Variants in KANK1 observed in about 807,000 individuals in gnomAD.
The protein encoded by KANK1 is KN motif and ankyrin repeat domains 1.
KANK1 carries 109 observed loss-of-function variants against 106.2 expected under a neutral mutation model. That is an observed-to-expected ratio of 1.03 (90% CI 0.88 to 1.20). The LOEUF (loss-of-function observed/expected upper bound fraction) is 1.20, where lower values mean the gene tolerates loss of function less well. Among genes scored for constraint, KANK1 ranks in the 50% most tolerant of loss-of-function variants. The pLI, the probability that KANK1 is intolerant of heterozygous loss-of-function variation, is 0.00. For missense variants in KANK1, 2,399 were observed against 1,710.7 expected (o/e 1.40, Z -7.10); for synonymous variants, 873 against 652.2 (o/e 1.34, Z -5.16).
intron 1 of KANK1, among the ~76,000 whole-genome samples, chr9:662,008 G>A (rs554762440): frequency 2.0e-5 from 3 of 152,224 alleles, no homozygotes; most frequent in African/African-American, 7.2e-5. Flanking sequence ...TAAGTTCTTT[G>A]TAGAATCTGG....
intron 1 of KANK1, among the ~76,000 whole-genome samples, chr9:544,310 A>G (rs1241703582): frequency 6.6e-6 from 1 of 152,164 alleles, no homozygotes; most frequent in African/African-American, 2.4e-5. Context: ...GGCAAGAGCC[A>G]CTGCACCTGG....
intron 1 of KANK1, among the ~76,000 whole-genome samples, chr9:592,200 C>G (rs763540104): frequency 4.6e-5 from 7 of 151,766 alleles, no homozygotes; most frequent in Non-Finnish European, 1.0e-4. Context: ...AATTCTCTTA[C>G]CTGGAGCCTG....
chr9:508,121 C>CT (rs71314711), intron 1 of KANK1, among the ~76,000 whole-genome samples: 461 of 39,142 alleles, frequency 0.012, 38 homozygotes, highest in Non-Finnish European at 0.018. Flanking sequence ...CCTGCTCAGC[C>CT]TTTTTTTTTT....
chr9:629,985 C>T (rs575385923), intron 1 of KANK1, among the ~76,000 whole-genome samples: 5 of 152,332 alleles, frequency 3.3e-5, no homozygotes, highest in African/African-American at 7.2e-5. Context: ...CACTGGCTCA[C>T]GCCTGTAATC....
intron 3 of KANK1, among the ~76,000 whole-genome samples, chr9:486,808 C>T (rs2058300799): frequency 6.6e-6 from 1 of 152,082 alleles, no homozygotes; most frequent in Admixed American, 6.6e-5. Flanking sequence ...CAATTTTTAT[C>T]TGATTTCAAG....
At chr9:607,553 C>G (rs537559335) in intron 1 of KANK1, among the ~76,000 whole-genome samples, 1 of 151,066 alleles carries the variant, frequency 6.6e-6, no homozygotes, top group South Asian at 2.1e-4. Context: ...GAGTACCTCT[C>G]CTGTGGGCTT....
intron 1 of KANK1, among the ~76,000 whole-genome samples, chr9:555,964 G>T (rs888502355): frequency 6.6e-6 from 1 of 152,100 alleles, no homozygotes; most frequent in East Asian, 1.9e-4. Context: ...CACATTTAAA[G>T]TAATCATTAA....
chr9:540,637 C>T (rs142400498), intron 1 of KANK1: 2 of 152,262 alleles, frequency 1.3e-5, no homozygotes, highest in African/African-American at 2.4e-5. Flanking sequence ...CCAGTGAAGC[C>T]GTGACATCCT....
In KANK1 at chr9:633,263, C is replaced by T. The variant is rs544042766; in HGVS notation, c.-83-43627C>T. On this transcript the variant is annotated intron_variant, in intron 1 of 11. Coordinates refer to ENST00000382297, the MANE Select transcript of KANK1 (RefSeq NM_015158.5). ...GAAGGTCAGGAGATCGAGACCATCCCGGCTAACACGGTGAAATCGCATCTC... is the reference window on the plus strand; with the variant it reads ...GAAGGTCAGGAGATCGAGACCATCCTGGCTAACACGGTGAAATCGCATCTC... 7.6e-4 allele frequency among the ~76,000 whole-genome samples: 115 copies of T among 152,076 alleles called. 1 individual carries two copies. Among genetic ancestry groups the T allele is most frequent in the African/African-American group, 2.5e-3 (103 of 41,500 alleles).
At chr9:718,817 C>A (rs1024254811) in intron 3 of KANK1, among the ~76,000 whole-genome samples, 1 of 152,170 alleles carries the variant, frequency 6.6e-6, no homozygotes, top group Non-Finnish European at 1.5e-5. Flanking sequence ...TTTGTCCTTT[C>A]TCCTCTATCA....
At chr9:705,293 C>G (rs940217953) in intron 2 of KANK1, among the ~76,000 whole-genome samples, 1 of 152,076 alleles carries the variant, frequency 6.6e-6, no homozygotes, top group Non-Finnish European at 1.5e-5. Context: ...TGAGACCAGC[C>G]TGGCCAACAT....
chr9:544,086 C>G (rs1192401203), intron 1 of KANK1, among the ~76,000 whole-genome samples: 2 of 151,786 alleles, frequency 1.3e-5, no homozygotes, highest in African/African-American at 4.8e-5. Context: ...AGTGGCATGA[C>G]CATGGCTCAC....
At chr9:536,637 TAA>T (rs1288451285) in intron 1 of KANK1, among the ~76,000 whole-genome samples, 1 of 152,274 alleles carries the variant, frequency 6.6e-6, no homozygotes, top group Admixed American at 6.5e-5. Context: ...ACCACAGAAA[TAA>T]AAGACTTTTT....
chr9:676,503 T>C (rs1816440847), intron 1 of KANK1, among the ~76,000 whole-genome samples: 1 of 152,176 alleles, frequency 6.6e-6, no homozygotes, highest in African/African-American at 2.4e-5. Flanking sequence ...GAAATTGCAG[T>C]TGAATAAATG....
At chr9:568,030 T>C (rs538344982) in intron 1 of KANK1, among the ~76,000 whole-genome samples, 1 of 152,232 alleles carries the variant, frequency 6.6e-6, no homozygotes, top group African/African-American at 2.4e-5. Flanking sequence ...CAGGTAGCTA[T>C]GATTATCTTC....
At chr9:714,241 G>C (rs1204348969) in intron 3 of KANK1, among the ~76,000 whole-genome samples, 1 of 152,106 alleles carries the variant, frequency 6.6e-6, no homozygotes, top group Non-Finnish European at 1.5e-5. Context: ...ATGTCAGGAG[G>C]CGATAAATAC....
intron 2 of KANK1, among the ~76,000 whole-genome samples, chr9:472,527 C>T (rs1274636381): frequency 2.6e-5 from 4 of 152,176 alleles, no homozygotes; most frequent in Admixed American, 1.3e-4. Context: ...CCCACTCCTC[C>T]TCTTGAATCA....
At chr9:575,515 A>G (rs1820314457) in intron 1 of KANK1, among the ~76,000 whole-genome samples, 1 of 151,372 alleles carries the variant, frequency 6.6e-6, no homozygotes, top group African/African-American at 2.4e-5. Flanking sequence ...AGGGAAAAAA[A>G]AAAAAAAAAA....
At chr9:542,607 TC>T (rs1206958081) in intron 1 of KANK1, among the ~76,000 whole-genome samples, 1 of 152,200 alleles carries the variant, frequency 6.6e-6, no homozygotes, top group Non-Finnish European at 1.5e-5. Context: ...TACTTCTGTG[TC>T]CCTCGCAGCA....
Sources: gnomAD v4.1 joint callset for allele counts (sites outside exome capture counted in the v4.1 genomes callset) on GRCh38, gnomAD v4.1.1 for gene constraint, MANE v1.5 for transcripts, NCBI Gene and HGNC (gene_info 2026-07-23, HGNC 2026-07-21) for gene names.